Variants in ZNF385D observed in about 807,000 individuals in gnomAD.
The protein encoded by ZNF385D is zinc finger protein 385D, also known as zinc finger protein 659.
In ZNF385D, 15 loss-of-function variants were observed where a neutral mutation model predicts 35.8. The ratio of observed to expected loss-of-function variants is 0.42; its 90% confidence interval spans 0.28 to 0.64. The LOEUF (loss-of-function observed/expected upper bound fraction) is 0.64. ZNF385D is among the 30% of genes least tolerant of loss of function. The probability of loss-of-function intolerance (pLI) is 0.23; values close to 1 mark genes in which losing one functional copy is unlikely to be tolerated. For missense variants in ZNF385D, 474 were observed against 494.6 expected (o/e 0.96, Z 0.39); for synonymous variants, 212 against 186.8 (o/e 1.13, Z -1.10).
intron 4 of ZNF385D, among the ~76,000 whole-genome samples, chr3:21,492,533 A>T (rs966180830): frequency 7.1e-4 from 107 of 151,442 alleles, no homozygotes; most frequent in African/African-American, 2.5e-3. Context: ...CTGTAATCCC[A>T]GCACTTTGGG....
chr3:22,097,278 G>A (rs1292320406), intron 3 of ZNF385D, among the ~76,000 whole-genome samples: 3 of 152,036 alleles, frequency 2.0e-5, no homozygotes, highest in Admixed American at 1.3e-4. Flanking sequence ...ACTGGAATTT[G>A]ATACCTGGAG....
At chr3:21,996,874 T>C (rs1030419779) in intron 3 of ZNF385D, among the ~76,000 whole-genome samples, 4 of 152,348 alleles carry the variant, frequency 2.6e-5, no homozygotes, top group Non-Finnish European at 5.9e-5. Context: ...TTATTGCTTC[T>C]CTGCCCGAGT....
intron 3 of ZNF385D, among the ~76,000 whole-genome samples, chr3:22,012,629 T>TC (rs1696648703): frequency 6.6e-6 from 1 of 152,246 alleles, no homozygotes; most frequent in Admixed American, 6.5e-5. Context: ...AATGTGGATA[T>TC]GATACTTTCC....
chr3:22,098,101 G>C (rs1023862884), intron 3 of ZNF385D, among the ~76,000 whole-genome samples: 1 of 152,020 alleles, frequency 6.6e-6, no homozygotes, highest in Non-Finnish European at 1.5e-5. Flanking sequence ...GTTGGGAAAA[G>C]ACTGTCCACA....
At chr3:22,165,704 C>T (rs1215008393) in intron 3 of ZNF385D, among the ~76,000 whole-genome samples, 1 of 152,040 alleles carries the variant, frequency 6.6e-6, no homozygotes, top group African/African-American at 2.4e-5. Flanking sequence ...ATCTAGTTTC[C>T]AGCAAATATT....
rs545135911 is a variant in ZNF385D at position 21,449,189 on chromosome 3, A to G, written c.440-11986T>C. The stretch of plus-strand genomic sequence containing the variant: ...AGTTATATTAATAAAGTATGCTAAG[A>G]ATTAATCTCAAAATAAATCTGTGTT... On this transcript the variant is annotated intron_variant, in intron 4 of 7. Transcript: ENST00000281523. Among the ~76,000 whole-genome samples the G allele has an allele frequency of 8.3e-4, 126 of 152,166 alleles. 1 individual carries two copies. In the South Asian group the frequency reaches 9.7e-3, roughly 12 times the overall value.
chr3:22,348,788 G>T (rs1695782490), intron 2 of ZNF385D, among the ~76,000 whole-genome samples: 1 of 152,172 alleles, frequency 6.6e-6, no homozygotes, highest in Non-Finnish European at 1.5e-5. Flanking sequence ...ACCAGTTAAG[G>T]AGAGAGGCAT....
chr3:22,151,288 G>A (rs1049014749), intron 3 of ZNF385D, among the ~76,000 whole-genome samples: 2 of 152,248 alleles, frequency 1.3e-5, no homozygotes, highest in Middle Eastern at 3.4e-3. Flanking sequence ...AGACTTACCT[G>A]TAATGAATCA....
chr3:21,819,293 T>G (rs887686895), intron 3 of ZNF385D, among the ~76,000 whole-genome samples: 1 of 151,758 alleles, frequency 6.6e-6, no homozygotes, highest in Non-Finnish European at 1.5e-5. Context: ...GTAAATAGAC[T>G]AAGCTCTAGA....
chr3:21,707,467 A>T (rs2067948438), intron 1 of ZNF385D, among the ~76,000 whole-genome samples: 1 of 152,320 alleles, frequency 6.6e-6, no homozygotes, highest in African/African-American at 2.4e-5. Flanking sequence ...CAAATTTTAG[A>T]CAGAACCCCC....
At chr3:22,133,962 A>G (rs573653911) in intron 3 of ZNF385D, 2 of 152,248 alleles carry the variant, frequency 1.3e-5, no homozygotes, top group South Asian at 4.1e-4. Flanking sequence ...TGAGTGGTCC[A>G]TATAAGAAAC....
chr3:22,141,151 C>T (rs781221149), intron 3 of ZNF385D, among the ~76,000 whole-genome samples: 1 of 152,042 alleles, frequency 6.6e-6, no homozygotes, highest in Non-Finnish European at 1.5e-5. Flanking sequence ...TTATACTGTT[C>T]CTAAAATAAT....
rs59555475 is a variant in ZNF385D at position 22,033,402 on chromosome 3, A to AAATAATAATAATAAT, written c.325+135400_325+135414dup. 1.3e-3 allele frequency among the ~76,000 whole-genome samples: 179 copies of AAATAATAATAATAAT among 139,390 alleles called. 1 individual carries two copies. Among genetic ancestry groups the AAATAATAATAATAAT allele is most frequent in the African/African-American group, 3.7e-3 (137 of 37,104 alleles). 91.4% of individuals were successfully genotyped at this position (139,390 alleles called of 152,430 possible). A position where few individuals can be genotyped will look rare whatever the true frequency, so the allele number is the denominator to read the frequency against. On this transcript the variant is annotated intron_variant, in intron 3 of 5. Coordinates refer to the ZNF385D transcript ENST00000494108. ...GGGTGACAGAGCAAGGCTGGCTCCA[A>AAATAATAATAATAAT]AATAATAATAATAATAATAATAATA...
chr3:21,468,979 GA>G (rs2125336377), intron 4 of ZNF385D, among the ~76,000 whole-genome samples: 2 of 152,170 alleles, frequency 1.3e-5, no homozygotes, highest in South Asian at 4.2e-4. Flanking sequence ...TCTAGAAAAG[GA>G]AAAACAAAGG....
At chr3:22,153,598 G>C (rs955021142) in intron 3 of ZNF385D, among the ~76,000 whole-genome samples, 2 of 151,496 alleles carry the variant, frequency 1.3e-5, no homozygotes, top group South Asian at 4.2e-4. Flanking sequence ...TGAGTAGCTG[G>C]GATTAAAGGC....
intron 2 of ZNF385D, among the ~76,000 whole-genome samples, chr3:22,169,471 A>G (rs886344473): frequency 2.6e-5 from 4 of 152,196 alleles, no homozygotes; most frequent in African/African-American, 9.7e-5. Flanking sequence ...GTAATAATGA[A>G]TTAGATTATT....
At chr3:21,530,259 A>G (rs2061891733) in intron 3 of ZNF385D, among the ~76,000 whole-genome samples, 1 of 152,158 alleles carries the variant, frequency 6.6e-6, no homozygotes, top group African/African-American at 2.4e-5. Flanking sequence ...TTCTTTATAA[A>G]TTATCCAGCC....
intron 4 of ZNF385D, among the ~76,000 whole-genome samples, chr3:21,489,590 G>A (rs892370535): frequency 6.6e-6 from 1 of 152,082 alleles, no homozygotes; most frequent in Admixed American, 6.6e-5. Flanking sequence ...GACATGTGAT[G>A]TCAAACCAAC....
chr3:22,164,386 G>A (rs942709711), intron 3 of ZNF385D, among the ~76,000 whole-genome samples: 4 of 151,468 alleles, frequency 2.6e-5, no homozygotes, highest in Non-Finnish European at 4.4e-5. Context: ...GCGCCACCAC[G>A]TCTAGCTAAT....
Sources: gnomAD v4.1 joint callset for allele counts (sites outside exome capture counted in the v4.1 genomes callset) on GRCh38, gnomAD v4.1.1 for gene constraint, MANE v1.5 for transcripts, NCBI Gene and HGNC (gene_info 2026-07-23, HGNC 2026-07-21) for gene names.